Variants in DOCK5 observed in about 807,000 individuals in gnomAD.
DOCK5 encodes the protein dedicator of cytokinesis 5.
A neutral mutation model predicts 251.8 loss-of-function variants in DOCK5; 142 were observed. The ratio of observed to expected loss-of-function variants is 0.56; its 90% confidence interval spans 0.49 to 0.65. The LOEUF (loss-of-function observed/expected upper bound fraction) is 0.65. Among genes scored for constraint, DOCK5 ranks in the 30% least tolerant of loss-of-function variants. The pLI, the probability that DOCK5 is intolerant of heterozygous loss-of-function variation, is 0.00. For synonymous variants in DOCK5, 842 were observed against 835.5 expected (o/e 1.01, Z -0.13); for missense variants, 2,111 against 2,312.3 (o/e 0.91, Z 1.79).
chr8:25,215,615 G>A (rs926636550), intron 1 of DOCK5, among the ~76,000 whole-genome samples: 4 of 152,010 alleles, frequency 2.6e-5, no homozygotes, highest in Non-Finnish European at 5.9e-5. Context: ...AGAGCAATTT[G>A]CAACCTACTC....
Position 25,338,643 on chromosome 8 carries a change from TC to T in DOCK5, c.2328-2233del, listed in dbSNP as rs549181927. 5.2e-3 allele frequency among the ~76,000 whole-genome samples: 794 copies of T among 152,318 alleles called. 6 individuals are homozygous for T. Among genetic ancestry groups the T allele is most frequent in the Middle Eastern group, 0.024 (7 of 294 alleles). On this transcript the variant is annotated intron_variant, in intron 22 of 51. Coordinates refer to ENST00000276440, the MANE Select transcript of DOCK5 (RefSeq NM_024940.8). ...TATTTGCTTTCTTTTCAGAAGGTCT[TC>T]TTTTAAAGTTGTTTCATTATATTTT...
intron 44 of DOCK5, among the ~76,000 whole-genome samples, chr8:25,393,440 C>T (rs541899130): frequency 1.3e-5 from 2 of 152,282 alleles, no homozygotes; most frequent in South Asian, 2.1e-4. Context: ...CGTCCATTCT[C>T]GTGCTTAAAG....
In DOCK5 at chr8:25,253,161, A is replaced by G. The variant is rs184101481; in HGVS notation, c.127+9404A>G. Among the ~76,000 whole-genome samples the G allele has an allele frequency of 2.0e-3, 298 of 152,324 alleles. 2 individuals carry two copies. The South Asian group carries it at 0.02, about 10-fold the overall frequency. On this transcript the variant is annotated intron_variant, in intron 2 of 51. Transcript: ENST00000276440. ...AAATGTACGTGATTCAGGTATAGGC[A>G]TATATGGAATTTTCTACTGTAGAGT...
chr8:25,236,890 C>T (rs896017012), intron 1 of DOCK5, among the ~76,000 whole-genome samples: 6 of 152,160 alleles, frequency 3.9e-5, no homozygotes, highest in Middle Eastern at 3.4e-3. Flanking sequence ...TAAGCCACTG[C>T]GCCTGGCCAT....
intron 25 of DOCK5, 57 bp from the exon 26 acceptor site, chr8:25,345,418 C>T (rs1800343474): frequency 6.3e-7 from 1 of 1,597,500 alleles, no homozygotes; most frequent in Admixed American, 1.7e-5. Context: ...AGGAAGGAGA[C>T]AGGCAGTTCA....
At position 25,321,006 on chromosome 8, in the gene DOCK5, A is replaced by C. The variant is rs1315930838; in HGVS notation, c.1569A>C (p.Thr523=). 1 of 1,613,604 alleles carries C rather than the reference A, an allele frequency of 6.2e-7. No homozygotes were observed. The highest frequency in any genetic ancestry group is 1.1e-5 in the South Asian group (1 of 91,022). ...VKVSIAIEEV[T]RCHIRFTFRH... is the part of the protein sequence containing the mutation. The stretch of plus-strand genomic sequence containing the variant: ...TATCCATTGCTATAGAAGAAGTCAC[A>C]CGCTGTCATATAAGATTTACCTTCC... The change falls in exon 16 of 52, where the codon ACA becomes ACC. Residue 523 remains threonine (T), a synonymous_variant. Transcript: ENST00000276440.
chr8:25,408,977 G>A, intron 50 of DOCK5, 37 bp downstream of exon 50: 1 of 1,613,494 alleles, frequency 6.2e-7, no homozygotes, highest in Non-Finnish European at 8.5e-7. Context: ...CTTTTTACTA[G>A]GGAATGGAGT....
chr8:25,407,931 G>T lies in DOCK5; in HGVS notation c.5094-52G>T, dbSNP rs549951014. The T allele has an allele frequency of 1.2e-5, 18 of 1,496,736 alleles. No individual in the cohort carries two copies. The Admixed American group carries it at 2.4e-4, about 20-fold the overall frequency. 92.7% of individuals were successfully genotyped at this position (1,496,736 alleles called of 1,614,324 possible). ...TGCTGGTACTTTCATAGTGAATTTT[G>T]ATTGCAAGGTGATCAGTATTTGTGA... On this transcript the variant is annotated intron_variant, in intron 48 of 51. Transcript: ENST00000276440.
intron 6 of DOCK5, among the ~76,000 whole-genome samples, chr8:25,295,742 A>T (rs1484814427): frequency 6.6e-6 from 1 of 152,176 alleles, no homozygotes; most frequent in Non-Finnish European, 1.5e-5. Flanking sequence ...AATAACATTT[A>T]CCTCCACCCT....
At chr8:25,290,489 G>C (rs1299792617) in intron 5 of DOCK5, among the ~76,000 whole-genome samples, 1 of 152,170 alleles carries the variant, frequency 6.6e-6, no homozygotes, top group Admixed American at 6.5e-5. Flanking sequence ...CAAATGATTA[G>C]TTAGTTGTAA....
intron 1 of DOCK5, among the ~76,000 whole-genome samples, chr8:25,223,553 A>G (rs55854256): frequency 0.089 from 13,547 of 152,236 alleles, 1,672 homozygotes; most frequent in African/African-American, 0.28. Context: ...GTCCTCAAGC[A>G]ATCGTCCTGT....
intron 27 of DOCK5, among the ~76,000 whole-genome samples, chr8:25,355,507 G>C (rs76947092): frequency 6.6e-6 from 1 of 152,176 alleles, no homozygotes; most frequent in South Asian, 2.1e-4. Flanking sequence ...TGGAGTGCAG[G>C]GGTGCTATCT....
At chr8:25,297,321 G>T (rs759857941) in intron 7 of DOCK5, among the ~76,000 whole-genome samples, 1 of 148,868 alleles carries the variant, frequency 6.7e-6, no homozygotes, top group Non-Finnish European at 1.5e-5. Flanking sequence ...GGAGTGGCCA[G>T]ATCTCAGCTC....
intron 45 of DOCK5, among the ~76,000 whole-genome samples, chr8:25,399,656 AGTGTGTGT>A (rs1011369166): frequency 1.3e-5 from 2 of 151,846 alleles, no homozygotes; most frequent in African/African-American, 4.8e-5. Flanking sequence ...TTATTTGATT[AGTGTGTGT>A]GTGTGGTGGG....
At chr8:25,398,911 G>A (rs371990289) in intron 45 of DOCK5, among the ~76,000 whole-genome samples, 11 of 152,258 alleles carry the variant, frequency 7.2e-5, no homozygotes, top group African/African-American at 2.6e-4. Flanking sequence ...ATGTCTGCTC[G>A]CAAGATAGGC....
Position 25,284,459 on chromosome 8 carries a change from C to T in DOCK5, c.321+5794C>T, listed in dbSNP as rs528539339. On this transcript the variant is annotated intron_variant, in intron 5 of 51. Coordinates refer to ENST00000276440, the MANE Select transcript of DOCK5 (RefSeq NM_024940.8). ...ACCTACTGTGGTTATTCCCCATCTT[C>T]CAGCTTCGGGCAGAAGGGGTGGGCA... Among the ~76,000 whole-genome samples, 75 of 152,340 alleles carry T rather than the reference C, an allele frequency of 4.9e-4. 1 individual carries two copies. Among genetic ancestry groups the T allele is most frequent in the Middle Eastern group, 6.8e-3 (2 of 294 alleles).
intron 1 of DOCK5, among the ~76,000 whole-genome samples, chr8:25,241,753 A>G (rs1802953181): frequency 6.6e-6 from 1 of 152,228 alleles, no homozygotes. Flanking sequence ...GAACCAACCC[A>G]ACTACCCATC....
intron 34 of DOCK5, among the ~76,000 whole-genome samples, chr8:25,371,077 A>C (rs966472262): frequency 6.6e-6 from 1 of 152,134 alleles, no homozygotes; most frequent in African/African-American, 2.4e-5. Flanking sequence ...TGCTTGCCTC[A>C]GTCACTTAGT....
At chr8:25,356,220 A>T (rs1800566975) in intron 27 of DOCK5, among the ~76,000 whole-genome samples, 1 of 152,102 alleles carries the variant, frequency 6.6e-6, no homozygotes, top group African/African-American at 2.4e-5. Context: ...AAAATACATA[A>T]TAATGGAGAG....
Sources: allele counts gnomAD v4.1 joint callset (sites outside exome capture counted in the v4.1 genomes callset), GRCh38; gene constraint gnomAD v4.1.1; transcripts MANE v1.5; gene names NCBI Gene and HGNC (gene_info 2026-07-23, HGNC 2026-07-21).